Variants in FAIM2 observed in about 807,000 individuals in gnomAD.
The protein encoded by FAIM2 is Fas apoptotic inhibitory molecule 2, also known as protein lifeguard 2.
FAIM2 carries 27 observed loss-of-function variants against 47.4 expected under a neutral mutation model. The observed-to-expected ratio is 0.57, with a 90% CI of 0.42 to 0.78. The LOEUF is 0.78. Ranked by LOEUF, FAIM2 falls within the 30% of genes least tolerant of loss-of-function variation. The pLI is 0.00. For synonymous variants in FAIM2, 156 were observed against 159.3 expected, an observed-to-expected ratio of 0.98 and a Z score of 0.16; for missense variants, 311 against 389.4, an observed-to-expected ratio of 0.80 and a Z score of 1.69.
In FAIM2 at chr12:49,866,971, C is replaced by G. The variant is rs1169569536; in HGVS notation, c.*3533G>C. ...AGGAAGGTGAGGTCAGGGAAGGGAACAGGTGCGGACACTGGGGAACTTGCA... is the reference window on the plus strand; with the variant it reads ...AGGAAGGTGAGGTCAGGGAAGGGAAGAGGTGCGGACACTGGGGAACTTGCA... On this transcript the variant is annotated 3_prime_UTR_variant, in exon 12 of 12. Coordinates refer to ENST00000320634, the MANE Select transcript of FAIM2 (RefSeq NM_012306.4). The G allele has an allele frequency of 6.6e-6, 1 of 152,314 alleles. No homozygotes were observed. Among genetic ancestry groups the G allele is most frequent in the African/African-American group, 2.4e-5 (1 of 41,426 alleles). The allele number at this position is 152,314 out of a possible 1,614,324, so 9.4% of individuals were successfully genotyped here. A position where few individuals can be genotyped will look rare whatever the true frequency, so the allele number is the denominator to read the frequency against.
intron 5 of FAIM2, among the ~76,000 whole-genome samples, chr12:49,891,638 C>T (rs1033226080): frequency 2.0e-5 from 3 of 152,136 alleles, no homozygotes; most frequent in African/African-American, 7.2e-5. Flanking sequence ...CCACACAGGC[C>T]CTTCTCAACC....
intron 6 of FAIM2, among the ~76,000 whole-genome samples, 154 bp from the exon 7 acceptor site, chr12:49,890,876 C>A (rs574455342): frequency 6.6e-6 from 1 of 152,286 alleles, no homozygotes; most frequent in Non-Finnish European, 1.5e-5. Context: ...CTCCCTTCTC[C>A]ATTCCCCTTC....
At position 49,874,852 on chromosome 12, in the gene FAIM2, C is replaced by CG. The variant is rs1436209571; in HGVS notation, c.802-4200dup. On this transcript the variant is annotated intron_variant, in intron 11 of 11. Transcript: ENST00000320634. This position sits in a 1 kb window ranked among gnomAD's most constrained non-coding sequence, Gnocchi z 4.2. ...TGAAACAACCCAAACTCTACCAACA[C>CG]GGGGGTGGTTAAATAAACTCTGGGC... Among the ~76,000 whole-genome samples, 2 of 152,146 alleles carry CG rather than the reference C, an allele frequency of 1.3e-5. No homozygotes were observed. Among genetic ancestry groups the CG allele is most frequent in the African/African-American group, 2.4e-5 (1 of 41,410 alleles).
rs545476438 is a variant in FAIM2 at position 49,874,951 on chromosome 12, G to A, written c.802-4298C>T. Among the ~76,000 whole-genome samples the A allele has an allele frequency of 3.3e-5, 5 of 152,226 alleles. No homozygotes were observed. Among genetic ancestry groups the A allele is most frequent in the East Asian group, 3.9e-4 (2 of 5,178 alleles). On this transcript the variant is annotated intron_variant, in intron 11 of 11. Coordinates refer to ENST00000320634, the MANE Select transcript of FAIM2 (RefSeq NM_012306.4). The surrounding 1 kb of genome is among the most constrained non-coding windows in gnomAD (Gnocchi z 4.2). Reference sequence around the variant, plus strand: ...AAGCAAGTTGTGAAAAATCTATATCGTATGATCCCATAAAACTATACACGT... The same window carrying A: ...AAGCAAGTTGTGAAAAATCTATATCATATGATCCCATAAAACTATACACGT...
intron 5 of FAIM2, among the ~76,000 whole-genome samples, chr12:49,891,965 G>A (rs1425915240): frequency 6.6e-6 from 1 of 152,070 alleles, no homozygotes; most frequent in Non-Finnish European, 1.5e-5. Context: ...CTAGGTTAGC[G>A]GTGCCACCAA....
At chr12:49,882,583 G>A (rs1239861750) in intron 11 of FAIM2, among the ~76,000 whole-genome samples, 2 of 152,132 alleles carry the variant, frequency 1.3e-5, no homozygotes, top group Non-Finnish European at 2.9e-5. Flanking sequence ...GGATGATCCC[G>A]ACCAGGGCCT....
chr12:49,880,551 C>T (rs62648584), intron 11 of FAIM2, among the ~76,000 whole-genome samples: 14 of 25,978 alleles, frequency 5.4e-4, no homozygotes, highest in African/African-American at 9.9e-4. Context: ...TGTATGCATG[C>T]GTGTGTGTGC....
chr12:49,872,168 C>T (rs1330403337), intron 11 of FAIM2, among the ~76,000 whole-genome samples: 3 of 152,086 alleles, frequency 2.0e-5, no homozygotes, highest in African/African-American at 2.4e-5. Flanking sequence ...TGGGGAAGCT[C>T]GCAGCGTCAT....
chr12:49,870,438 GCAGGGGAGGGACAGGGAAC>G lies in FAIM2; in HGVS notation c.*47_*65del. Reference sequence around the variant, plus strand: ...GTTTTATATCTGGTCTCGCAGGAGCGCAGGGGAGGGACAGGGAACCAGGAGGGGCGCATTCTCTGGAGGA... The same window carrying G: ...GTTTTATATCTGGTCTCGCAGGAGCGCAGGAGGGGCGCATTCTCTGGAGGA... On this transcript the variant is annotated 3_prime_UTR_variant, in exon 12 of 12. Coordinates refer to ENST00000320634, the MANE Select transcript of FAIM2 (RefSeq NM_012306.4). The G allele has an allele frequency of 1.4e-6, 2 of 1,445,518 alleles. No individual in the cohort carries two copies. Among genetic ancestry groups the G allele is most frequent in the Non-Finnish European group, 1.9e-6 (2 of 1,038,428 alleles). The allele number at this position is 1,445,518 out of a possible 1,614,324, so 89.5% of individuals were successfully genotyped here.
intron 2 of FAIM2, 39 bp downstream of exon 2, chr12:49,901,091 C>A: frequency 1.3e-6 from 2 of 1,499,080 alleles, no homozygotes; most frequent in Non-Finnish European, 1.8e-6. Flanking sequence ...TCCACCCCCA[C>A]CCCATGATGC....
At chr12:49,880,488 A>ATGTGTATGTG (rs1555158538) in intron 11 of FAIM2, among the ~76,000 whole-genome samples, 137 of 42,994 alleles carry the variant, frequency 3.2e-3, no homozygotes, top group African/African-American at 0.015. Context: ...ATGTGTATGC[A>ATGTGTATGTG]TGTGTATGTG....
At chr12:49,891,020 C>A in intron 6 of FAIM2, 44 bp downstream of exon 6, 6 of 1,597,552 alleles carry the variant, frequency 3.8e-6, no homozygotes, top group Non-Finnish European at 5.2e-6. Context: ...TTTTCATGAT[C>A]CTGCTCATAT....
Position 49,867,899 on chromosome 12 carries a change from C to G in FAIM2, c.*2605G>C, listed in dbSNP as rs74505895. 9.1e-3 allele frequency: 1,393 copies of G among 152,586 alleles called. 8 individuals carry two copies. Among genetic ancestry groups the G allele is most frequent in the Non-Finnish European group, 0.015 (1,020 of 68,264 alleles). 9.5% of individuals were successfully genotyped at this position (152,586 alleles called of 1,614,324 possible). The stretch of plus-strand genomic sequence containing the variant: ...CTACACTGTGGTACCTGCCACCCCC[C>G]CTCAGGACCCAGAGTAGGAGGCTGC... On this transcript the variant is annotated 3_prime_UTR_variant, in exon 12 of 12. Transcript: ENST00000320634.
chr12:49,901,461 C>T, intron 1 of FAIM2, 136 bp from the exon 2 acceptor site: 1 of 630,612 alleles, frequency 1.6e-6, no homozygotes, highest in East Asian at 3.2e-5. Flanking sequence ...GGAATGCAGA[C>T]AAGAATGTCT....
chr12:49,903,630 C>T lies in FAIM2; in HGVS notation c.15+148G>A, dbSNP rs11169205. 1.5e-3 allele frequency: 1,629 copies of T among 1,086,596 alleles called. 30 individuals carry two copies. In the East Asian group the frequency reaches 0.034, roughly 23 times the overall value. 67.3% of individuals were successfully genotyped at this position (1,086,596 alleles called of 1,614,324 possible). A position where few individuals can be genotyped will look rare whatever the true frequency, so the allele number is the denominator to read the frequency against. Reference sequence around the variant, plus strand: ...GGTCCATTCCTTGACACCGGCCTTTCGGTCCTCTGACTTCAGCAAGGACCA... The same window carrying T: ...GGTCCATTCCTTGACACCGGCCTTTTGGTCCTCTGACTTCAGCAAGGACCA... On this transcript the variant is annotated intron_variant, in intron 1 of 11. Coordinates refer to ENST00000320634, the MANE Select transcript of FAIM2 (RefSeq NM_012306.4).
At chr12:49,887,494 G>T (rs1946870347) in intron 10 of FAIM2, 55 bp from the exon 11 acceptor site, 2 of 1,478,490 alleles carry the variant, frequency 1.4e-6, no homozygotes, top group Non-Finnish European at 1.9e-6. Context: ...GCAGTCAGAG[G>T]GGCAGGGAGG....
At chr12:49,896,631 C>A (rs958033232) in intron 5 of FAIM2, among the ~76,000 whole-genome samples, 1 of 152,340 alleles carries the variant, frequency 6.6e-6, no homozygotes, top group Admixed American at 6.5e-5. Flanking sequence ...TAAGTGGTAG[C>A]TATTATGATT....
intron 2 of FAIM2, chr12:49,900,106 G>A (rs1420682662): frequency 2.5e-5 from 21 of 841,978 alleles, no homozygotes; most frequent in Non-Finnish European, 3.2e-5. Flanking sequence ...GAGGGAAAGT[G>A]GGCCGGCGGG....
rs537919874 is a variant in FAIM2 at position 49,874,520 on chromosome 12, G to A, written c.802-3867C>T. ...TTACTGGCCAGTGCTAAACCTGGCCGGGGACCCCAGCCACACATTTGGCCT... is the reference window on the plus strand; with the variant it reads ...TTACTGGCCAGTGCTAAACCTGGCCAGGGACCCCAGCCACACATTTGGCCT... On this transcript the variant is annotated intron_variant, in intron 11 of 11. Transcript: ENST00000320634. This position sits in a 1 kb window ranked among gnomAD's most constrained non-coding sequence, Gnocchi z 4.2. 4.6e-5 allele frequency among the ~76,000 whole-genome samples: 7 copies of A among 152,168 alleles called. No individual in the cohort carries two copies. The East Asian group carries it at 7.7e-4, about 17-fold the overall frequency.
Sources: allele counts gnomAD v4.1 joint callset (sites outside exome capture counted in the v4.1 genomes callset), GRCh38; gene constraint gnomAD v4.1.1; non-coding constraint Gnocchi (gnomAD v3.1); transcripts MANE v1.5; gene names NCBI Gene and HGNC (gene_info 2026-07-23, HGNC 2026-07-21).